The following VPS13A variants were observed in gnomAD, a reference collection of about 807,000 sequenced individuals.
The protein encoded by VPS13A is vacuolar protein sorting 13 homolog A.
VPS13A carries 264 observed loss-of-function variants against 390.9 expected under a neutral mutation model. The observed-to-expected ratio is 0.68, with a 90% CI of 0.61 to 0.75. The LOEUF is 0.75. Ranked by LOEUF, VPS13A falls within the 30% of genes least tolerant of loss-of-function variation. The pLI is 0.00. For synonymous variants in VPS13A, 1,231 were observed against 1,227.1 expected (o/e 1.00, Z -0.07); for missense variants, 3,409 against 3,733.9 (o/e 0.91, Z 2.27).
chr9:77,278,181 C>T (rs1407568290), intron 26 of VPS13A, among the ~76,000 whole-genome samples: 2 of 151,742 alleles, frequency 1.3e-5, no homozygotes, highest in Non-Finnish European at 2.9e-5. Context: ...TGCCATTCTC[C>T]TGCCTCAGCC....
chr9:77,280,049 A>C (rs1283012959), intron 26 of VPS13A, 110 bp from the exon 27 acceptor site: 2 of 768,044 alleles, frequency 2.6e-6, no homozygotes, highest in African/African-American at 3.5e-5. Context: ...CAAGGTCCAG[A>C]ACTCATATAG....
At chr9:77,312,520 G>A (rs982560238) in intron 35 of VPS13A, among the ~76,000 whole-genome samples, 10 of 151,650 alleles carry the variant, frequency 6.6e-5, no homozygotes, top group South Asian at 6.3e-4. Context: ...TCCGCCTCCC[G>A]GGTTCACACC....
At position 77,238,318 on chromosome 9, in the gene VPS13A, T is replaced by A; in HGVS notation, c.1832T>A (p.Val611Glu). The A allele has an allele frequency of 6.2e-7, 1 of 1,614,026 alleles. No individual in the cohort carries two copies. ...IVEFFRPPKE[V>E]HLAQLTAATL... ...GAATTCTTCAGACCTCCAAAAGAGG[T>A]ACATCTAGCACAGCTCACTGCAGCA... The change falls in exon 19 of 72, where the codon GTA becomes GAA. Residue 611 changes from valine (V) to glutamate (E), a missense_variant. Physicochemically the swap from Val to Glu is moderately radical, Grantham distance 121. Around this residue, in one of 5 missense-constraint regions of VPS13A, gnomAD observed 2,717 missense variants for 2,917.4 expected, o/e 0.93. Coordinates refer to ENST00000360280, the MANE Select transcript of VPS13A (RefSeq NM_033305.3).
intron 52 of VPS13A, 192 bp from the exon 53 acceptor site, chr9:77,351,125 T>C: frequency 1.7e-6 from 1 of 595,714 alleles, no homozygotes; most frequent in Non-Finnish European, 2.7e-6. Flanking sequence ...ATTTTCTAAG[T>C]GGGAAAATAA....
intron 17 of VPS13A, among the ~76,000 whole-genome samples, chr9:77,231,548 A>G (rs1306261213): frequency 6.6e-6 from 1 of 152,036 alleles, no homozygotes; most frequent in African/African-American, 2.4e-5. Flanking sequence ...GCATCTTTTC[A>G]TGTGGATATT....
chr9:77,254,011 C>G (rs1336317228), intron 22 of VPS13A, among the ~76,000 whole-genome samples: 1 of 133,934 alleles, frequency 7.5e-6, no homozygotes. Context: ...GGCATGATCT[C>G]GGCTCACTGC....
chr9:77,218,372 C>T (rs1354752950), intron 10 of VPS13A, among the ~76,000 whole-genome samples: 2 of 152,058 alleles, frequency 1.3e-5, no homozygotes, highest in African/African-American at 4.8e-5. Context: ...CTCGGCCTCC[C>T]AAAGTGCTGG....
chr9:77,180,115 CTGGATGTTTAGATTA>C (rs1823917931), intron 1 of VPS13A, among the ~76,000 whole-genome samples: 1 of 152,118 alleles, frequency 6.6e-6, no homozygotes, highest in South Asian at 2.1e-4. Context: ...TCACCAGTTG[CTGGATGTTTAGATTA>C]TTCCTAAACA....
At chr9:77,410,805 A>T (rs1161517593) in intron 71 of VPS13A, among the ~76,000 whole-genome samples, 1 of 152,174 alleles carries the variant, frequency 6.6e-6, no homozygotes, top group South Asian at 2.1e-4. Context: ...AAGTCCTTAG[A>T]GACCTACAAA....
chr9:77,368,182 GT>G (rs1832541160), intron 62 of VPS13A, 46 bp downstream of exon 62: 1 of 1,497,478 alleles, frequency 6.7e-7, no homozygotes, highest in Non-Finnish European at 9.2e-7. Flanking sequence ...ATACAGACTG[GT>G]AAAACCTTTT....
chr9:77,225,710 T>C (rs1383035172), intron 13 of VPS13A, among the ~76,000 whole-genome samples: 2 of 152,168 alleles, frequency 1.3e-5, no homozygotes, highest in Non-Finnish European at 2.9e-5. Context: ...ATTTCATTTT[T>C]CAAAAAATTA....
At chr9:77,303,518 A>G (rs914049975) in intron 34 of VPS13A, among the ~76,000 whole-genome samples, 12 of 152,194 alleles carry the variant, frequency 7.9e-5, no homozygotes, top group African/African-American at 2.9e-4. Context: ...CAAAGTATAG[A>G]GAAACAACAG....
Position 77,371,061 on chromosome 9 carries a change from GGT to G in VPS13A, c.8992_8993del (p.Val2998TrpfsTer20), listed in dbSNP as rs1225244236. 1.2e-6 allele frequency: 2 copies of G among 1,614,116 alleles called. No individual in the cohort carries two copies. ...QKGGAAGFFK[G>X]VGKGLVGAVA... ...AGGAGGAGCAGCTGGTTTCTTTAAA[GGT>G]GTTGGGAAAGGTTTAGTAGGAGCGG... On this transcript the variant is annotated frameshift_variant, in exon 67 of 72. Coordinates refer to ENST00000360280, the MANE Select transcript of VPS13A (RefSeq NM_033305.3). LOFTEE classifies it high-confidence loss of function.
chr9:77,365,696 AG>A (rs1467665983), intron 60 of VPS13A, 123 bp downstream of exon 60: 4 of 626,562 alleles, frequency 6.4e-6, no homozygotes, highest in African/African-American at 5.6e-5. Flanking sequence ...TAAGTAACAA[AG>A]GAATTACCCT....
intron 10 of VPS13A, among the ~76,000 whole-genome samples, chr9:77,219,016 A>G (rs2131172828): frequency 6.6e-6 from 1 of 152,288 alleles, no homozygotes; most frequent in African/African-American, 2.4e-5. Context: ...AGGAATGATT[A>G]AAATAACTGA....
At position 77,228,287 on chromosome 9, in the gene VPS13A, T is replaced by C. The variant is rs1823636239; in HGVS notation, c.1595+23T>C. The C allele has an allele frequency of 2.6e-6, 4 of 1,557,260 alleles. No homozygotes were observed. The East Asian group carries it at 9.7e-5, about 38-fold the overall frequency. ...AAAGTAAGTATTAATTTATCTTTTT[T>C]TATCATATATGAAAAAACTTCACTG... On this transcript the variant is annotated intron_variant, in intron 17 of 71. Coordinates refer to ENST00000360280, the MANE Select transcript of VPS13A (RefSeq NM_033305.3).
In VPS13A at chr9:77,291,353, C is replaced by A. The variant is rs527945299; in HGVS notation, c.3340-1988C>A. Among the ~76,000 whole-genome samples, 26 of 152,232 alleles carry A rather than the reference C, an allele frequency of 1.7e-4. 1 individual carries two copies. In the South Asian group the frequency reaches 4.8e-3, roughly 28 times the overall value. ...AAAAATTGTCTTCCACAAAACAGCT[C>A]CCTGTTACCAAAAAGGCTGGGGACC... On this transcript the variant is annotated intron_variant, in intron 31 of 71. Coordinates refer to ENST00000360280, the MANE Select transcript of VPS13A (RefSeq NM_033305.3).
At chr9:77,287,950 C>T (rs757617476) in intron 31 of VPS13A, among the ~76,000 whole-genome samples, 9 of 152,102 alleles carry the variant, frequency 5.9e-5, no homozygotes, top group South Asian at 2.1e-4. Flanking sequence ...TGAGTTTTGA[C>T]GAACATATAC....
intron 23 of VPS13A, among the ~76,000 whole-genome samples, chr9:77,261,506 T>C (rs555672152): frequency 6.6e-6 from 1 of 151,672 alleles, no homozygotes; most frequent in Non-Finnish European, 1.5e-5. Flanking sequence ...CTTTTATTCA[T>C]AGGATAAATT....
Sources: gnomAD v4.1 joint callset for allele counts (sites outside exome capture counted in the v4.1 genomes callset) on GRCh38, gnomAD v4.1.1 for gene constraint, gnomAD v4.1.1 regional missense constraint, MANE v1.5 for transcripts, NCBI Gene and HGNC (gene_info 2026-07-23, HGNC 2026-07-21) for gene names.